LYPD4: variants seen among roughly 807,000 people sequenced by gnomAD.
The protein encoded by LYPD4 is LY6/PLAUR domain containing 4, also known as ly6/PLAUR domain-containing protein 4.
A neutral mutation model predicts 18.2 loss-of-function variants in LYPD4; 20 were observed. That is an observed-to-expected ratio of 1.10 (90% CI 0.77 to 1.59). LYPD4 has a LOEUF of 1.59. Among genes scored for constraint, LYPD4 ranks in the 40% most tolerant of loss-of-function variants. The pLI is 0.00. For missense variants in LYPD4, 278 were observed against 300.3 expected, an observed-to-expected ratio of 0.93 and a Z score of 0.55; for synonymous variants, 111 against 118.3, an observed-to-expected ratio of 0.94 and a Z score of 0.40.
intron 1 of LYPD4, among the ~76,000 whole-genome samples, chr19:41,839,980 C>T (rs1217793333): frequency 2.6e-5 from 4 of 151,020 alleles, no homozygotes; most frequent in South Asian, 4.2e-4. Context: ...ACCCAGGAGG[C>T]GGAGGTTGCA....
intron 1 of LYPD4, among the ~76,000 whole-genome samples, chr19:41,843,048 A>ACCC (rs1555834020): frequency 2.1e-4 from 10 of 47,630 alleles, no homozygotes; most frequent in South Asian, 9.7e-4. Context: ...AAAAAAAAAA[A>ACCC]AAAAAAAAAA....
At chr19:41,838,329 C>G (rs1022363987) in intron 3 of LYPD4, 68 bp from the exon 4 acceptor site, 28 of 1,353,826 alleles carry the variant, frequency 2.1e-5, no homozygotes, top group Non-Finnish European at 2.7e-5. Flanking sequence ...CTCCCTCCCC[C>G]CAGCTCTTTC....
intron 3 of LYPD4, among the ~76,000 whole-genome samples, chr19:41,838,645 G>A (rs1295144569): frequency 6.6e-6 from 1 of 151,836 alleles, no homozygotes; most frequent in African/African-American, 2.4e-5. Context: ...CTGTAATCCG[G>A]ACACTTTGGG....
At chr19:41,840,745 G>A (rs576619592) in intron 1 of LYPD4, among the ~76,000 whole-genome samples, 2 of 151,898 alleles carry the variant, frequency 1.3e-5, no homozygotes, top group South Asian at 4.2e-4. Flanking sequence ...CAGGAGAATG[G>A]TGTGAACCCG....
chr19:41,841,561 G>A (rs1255929955), intron 1 of LYPD4, among the ~76,000 whole-genome samples: 1 of 151,350 alleles, frequency 6.6e-6, no homozygotes, highest in African/African-American at 2.4e-5. Flanking sequence ...AGCTACTAGG[G>A]AGGCTGAGGA....
downstream of LYPD4, chr19:41,836,976 G>T: frequency 2.3e-6 from 3 of 1,327,456 alleles, no homozygotes; most frequent in South Asian, 4.6e-5. Flanking sequence ...CTGTCACTTT[G>T]CCAGGCTCCT....
At chr19:41,838,514 G>A (rs1298375653) in intron 3 of LYPD4, among the ~76,000 whole-genome samples, 2 of 152,048 alleles carry the variant, frequency 1.3e-5, no homozygotes, top group Non-Finnish European at 2.9e-5. Flanking sequence ...CCAGGGATCT[G>A]TCCACCTCCA....
downstream of LYPD4, chr19:41,835,931 C>G (rs1018341392): frequency 1.5e-5 from 10 of 662,000 alleles, no homozygotes; most frequent in Non-Finnish European, 1.9e-5. Context: ...CGAGGTAATG[C>G]ACAGAAAATG....
At chr19:41,841,059 G>C (rs1356183254) in intron 1 of LYPD4, among the ~76,000 whole-genome samples, 6 of 152,168 alleles carry the variant, frequency 3.9e-5, no homozygotes, top group Admixed American at 3.9e-4. Flanking sequence ...CAATGAAATA[G>C]TAAACAACAA....
intron 1 of LYPD4, among the ~76,000 whole-genome samples, chr19:41,842,395 A>G (rs2073623320): frequency 6.6e-6 from 1 of 152,174 alleles, no homozygotes. Context: ...GACCAAGTGA[A>G]TGCAAAACAT....
chr19:41,836,627 C>T (rs1370086094), downstream of LYPD4, among the ~76,000 whole-genome samples: 100 of 151,902 alleles, frequency 6.6e-4, 1 homozygote, highest in Non-Finnish European at 1.5e-4. Flanking sequence ...CAAACACAGT[C>T]GCTCCCATGT....
rs368531035 is a variant in LYPD4, at chr19:41,837,261, A to C, written c.623T>G (p.Ile208Ser). 6.2e-7 allele frequency: 1 copy of C among 1,614,058 alleles called. No individual in the cohort carries two copies. The highest frequency in any genetic ancestry group is 8.5e-7 in the Non-Finnish European group (1 of 1,179,970). The stretch of plus-strand genomic sequence containing the variant: ...GATGTTGAGGACCTCAGTCACTTTG[A>C]TGCTCCCAATATGATGAAAATCTGC... ...LLADFHHIGS[I>S]KVTEVLNILE... is the part of the protein sequence containing the mutation. The change falls in exon 5 of 5, where the codon ATC becomes AGC. Residue 208 changes from isoleucine (I) to serine (S), a missense_variant. Coordinates refer to ENST00000609812, the MANE Select transcript of LYPD4 (RefSeq NM_173506.7).
At chr19:41,837,626 A>G (rs1555830915) in intron 4 of LYPD4, among the ~76,000 whole-genome samples, 11 of 151,606 alleles carry the variant, frequency 7.3e-5, no homozygotes, top group Admixed American at 6.6e-5. Flanking sequence ...CCTGGGAGGC[A>G]GAGGTTGCAG....
At position 41,838,076 on chromosome 19, in the gene LYPD4, T is replaced by C; in HGVS notation, c.397A>G (p.Lys133Glu). Residue 133 changes from lysine (K) to glutamate (E), a missense_variant, in exon 4 of 5, where the codon AAG becomes GAG. By Grantham distance (56) the Lys-to-Glu change is moderately conservative (BLOSUM62 1). Coordinates refer to ENST00000609812, the MANE Select transcript of LYPD4 (RefSeq NM_173506.7). Reference sequence around the variant, plus strand: ...CTACAGGACGCAGATGTGATAGACTTAGGAGTGCTGGCCTTGAGTTTCACA... The same window carrying C: ...CTACAGGACGCAGATGTGATAGACTCAGGAGTGCTGGCCTTGAGTTTCACA... ...PFVKLKASTPKSITSASCSCP... is the reference protein window; with the variant it reads ...PFVKLKASTPESITSASCSCP... 1.2e-6 allele frequency: 2 copies of C among 1,614,084 alleles called. No individual in the cohort carries two copies. Among genetic ancestry groups the C allele is most frequent in the South Asian group, 1.1e-5 (1 of 91,070 alleles).
chr19:41,838,704 G>A (rs1470730527), intron 3 of LYPD4, among the ~76,000 whole-genome samples, 177 bp downstream of exon 3: 1 of 151,364 alleles, frequency 6.6e-6, no homozygotes, highest in Admixed American at 6.6e-5. Flanking sequence ...AGACCAGCCT[G>A]GGCAACATAG....
chr19:41,839,751 A>G lies in LYPD4; in HGVS notation c.-120-346T>C, dbSNP rs1418987949. On this transcript the variant is annotated intron_variant, in intron 1 of 4. Transcript: ENST00000609812. ...AACCCTTGGTTCAACATGGAAATTT[A>G]AAAGTATTTAGAACTGAGGTCAGGA... is the stretch of plus-strand genomic sequence containing the variant. Among the ~76,000 whole-genome samples, 3 of 151,726 alleles carry G rather than the reference A, an allele frequency of 2.0e-5. No homozygotes were observed. The East Asian group carries it at 5.8e-4, about 29-fold the overall frequency.
At chr19:41,844,856 C>G (rs555644868), upstream of LYPD4, 1 of 152,452 alleles carries the variant, frequency 6.6e-6, no homozygotes, top group South Asian at 2.1e-4. Context: ...CAACTCGAAG[C>G]GCTATTGGTG....
At chr19:41,837,413 C>T in intron 4 of LYPD4, 68 bp from the exon 5 acceptor site, 1 of 1,531,746 alleles carries the variant, frequency 6.5e-7, no homozygotes, top group South Asian at 1.1e-5. Flanking sequence ...CAGCCAGGTG[C>T]AGTGGCTCAC....
chr19:41,835,352 C>T (rs2073361072), downstream of LYPD4: 1 of 152,150 alleles, frequency 6.6e-6, no homozygotes, highest in Non-Finnish European at 1.5e-5. Context: ...ATGTCCTGTC[C>T]CTGGTATCAG....
Sources: gnomAD v4.1 joint callset for allele counts (sites outside exome capture counted in the v4.1 genomes callset) on GRCh38, gnomAD v4.1.1 for gene constraint, MANE v1.5 for transcripts, NCBI Gene and HGNC (gene_info 2026-07-23, HGNC 2026-07-21) for gene names.